Variants in ADCY8 observed in about 807,000 individuals in gnomAD.
ADCY8 encodes the protein adenylate cyclase 8, also known as adenylate cyclase type 8.
ADCY8 carries 51 observed loss-of-function variants against 119.7 expected under a neutral mutation model. That is an observed-to-expected ratio of 0.43 (90% CI 0.34 to 0.54). The LOEUF (loss-of-function observed/expected upper bound fraction) is 0.54, where lower values mean the gene tolerates loss of function less well. Ranked by LOEUF, ADCY8 falls within the 20% of genes least tolerant of loss-of-function variation. The pLI, the probability that ADCY8 is intolerant of heterozygous loss-of-function variation, is 0.03. For missense variants in ADCY8, 1,383 were observed against 1,598.8 expected (o/e 0.87, Z 2.30); for synonymous variants, 665 against 651.0 (o/e 1.02, Z -0.33).
intron 8 of ADCY8, among the ~76,000 whole-genome samples, chr8:130,872,163 C>G (rs577581650): frequency 6.6e-6 from 1 of 151,730 alleles, no homozygotes; most frequent in Admixed American, 6.6e-5. Flanking sequence ...TTAGTTGATT[C>G]AAAAAAAGGT....
intron 1 of ADCY8, among the ~76,000 whole-genome samples, chr8:131,005,297 T>C (rs1823079824): frequency 6.6e-6 from 1 of 152,180 alleles, no homozygotes; most frequent in Non-Finnish European, 1.5e-5. Context: ...TGATACACAG[T>C]AAATATCCCA....
At chr8:131,027,927 G>A (rs78667490) in intron 1 of ADCY8, among the ~76,000 whole-genome samples, 2,103 of 152,308 alleles carry the variant, frequency 0.014, 33 homozygotes, top group African/African-American at 0.029. Flanking sequence ...ACTACACTAT[G>A]CTGTAGAGAC....
chr8:130,897,429 G>A (rs1470318972), intron 7 of ADCY8, among the ~76,000 whole-genome samples: 2 of 151,984 alleles, frequency 1.3e-5, no homozygotes, highest in African/African-American at 4.8e-5. Flanking sequence ...GCCAACTCAA[G>A]TGGGACTAAA....
At chr8:130,842,871 C>CAAA (rs35357039) in intron 11 of ADCY8, among the ~76,000 whole-genome samples, 14,822 of 86,806 alleles carry the variant, frequency 0.17, 1,146 homozygotes, top group Non-Finnish European at 0.22. Context: ...CACTCTGTCT[C>CAAA]AAAAAAAAAA....
chr8:130,999,164 C>A (rs968724114), intron 1 of ADCY8, among the ~76,000 whole-genome samples: 2 of 152,196 alleles, frequency 1.3e-5, no homozygotes, highest in Non-Finnish European at 2.9e-5. Context: ...GTGCTTCATA[C>A]ACTTGGTGAA....
In ADCY8 at chr8:130,780,872, T is replaced by A. The variant is rs1254189191; in HGVS notation, c.3274A>T (p.Ser1092Cys). 6.8e-6 allele frequency: 11 copies of A among 1,613,132 alleles called. No homozygotes were observed. Among genetic ancestry groups the A allele is most frequent in the Non-Finnish European group, 9.3e-6 (11 of 1,179,312 alleles). Reference protein sequence around the residue: ...FNNFELRIGISHGSVVAGVIG... With the variant: ...FNNFELRIGICHGSVVAGVIG... Reference sequence around the variant, plus strand: ...ACGCCAGCTACCACTGAGCCGTGGCTGATGCCTGGGGGGTGAAGCAAAGGA... The same window carrying A: ...ACGCCAGCTACCACTGAGCCGTGGCAGATGCCTGGGGGGTGAAGCAAAGGA... The change falls in exon 18 of 18, where the codon AGC becomes TGC. Residue 1092 changes from serine to cysteine, a missense_variant. By Grantham distance (112) the Ser-to-Cys change is moderately radical (BLOSUM62 -1). This residue lies in a region of ADCY8 where 928 missense variants were observed against 1,163.5 expected (regional missense o/e 0.80). Transcript: ENST00000286355.
At chr8:131,004,998 C>T (rs952650397) in intron 1 of ADCY8, among the ~76,000 whole-genome samples, 1 of 152,122 alleles carries the variant, frequency 6.6e-6, no homozygotes, top group African/African-American at 2.4e-5. Flanking sequence ...TTACTGGTGA[C>T]CTATTATATA....
At chr8:130,949,990 C>A (rs145903968) in intron 3 of ADCY8, among the ~76,000 whole-genome samples, 5 of 152,276 alleles carry the variant, frequency 3.3e-5, no homozygotes, top group African/African-American at 1.2e-4. Context: ...TCCTGCTATG[C>A]CCGCTGAAGG....
intron 1 of ADCY8, among the ~76,000 whole-genome samples, chr8:131,008,211 C>T (rs1055087724): frequency 2.6e-5 from 4 of 152,146 alleles, no homozygotes; most frequent in African/African-American, 4.8e-5. Flanking sequence ...CTTCAGCTCA[C>T]CCCTCCAAAC....
intron 11 of ADCY8, among the ~76,000 whole-genome samples, chr8:130,844,270 G>T (rs902741716): frequency 6.6e-6 from 1 of 152,104 alleles, no homozygotes; most frequent in Non-Finnish European, 1.5e-5. Context: ...TCACAAACCT[G>T]TGCCTTTCTT....
chr8:130,891,905 G>C (rs1819201112), intron 7 of ADCY8, among the ~76,000 whole-genome samples: 1 of 152,106 alleles, frequency 6.6e-6, no homozygotes, highest in Non-Finnish European at 1.5e-5. Flanking sequence ...TCTATACTAA[G>C]AGAAAATGAA....
intron 15 of ADCY8, among the ~76,000 whole-genome samples, chr8:130,799,068 C>T (rs544630190): frequency 1.3e-5 from 2 of 152,070 alleles, no homozygotes; most frequent in African/African-American, 2.4e-5. Context: ...ATCACTTATA[C>T]GTGGAATCTA....
intron 13 of ADCY8, among the ~76,000 whole-genome samples, chr8:130,819,415 G>A (rs1816441307): frequency 6.6e-6 from 1 of 152,206 alleles, no homozygotes; most frequent in Non-Finnish European, 1.5e-5. Context: ...GACAAATGGA[G>A]CACAGGATAA....
chr8:130,970,946 T>C (rs1271466003), intron 2 of ADCY8, among the ~76,000 whole-genome samples: 1 of 152,110 alleles, frequency 6.6e-6, no homozygotes, highest in African/African-American at 2.4e-5. Context: ...GTGTGACAGA[T>C]TGGCTATGAG....
intron 9 of ADCY8, among the ~76,000 whole-genome samples, chr8:130,850,648 T>C (rs929385018): frequency 6.6e-6 from 1 of 152,204 alleles, no homozygotes; most frequent in Admixed American, 6.5e-5. Context: ...GGTACCTTGA[T>C]AGAAGTGGAG....
At chr8:130,948,506 C>T (rs547538619) in intron 3 of ADCY8, among the ~76,000 whole-genome samples, 1 of 152,284 alleles carries the variant, frequency 6.6e-6, no homozygotes, top group East Asian at 1.9e-4. Flanking sequence ...GTGGCTACCC[C>T]AGCCCACGTG....
chr8:130,852,989 G>A (rs1412810879), intron 9 of ADCY8, among the ~76,000 whole-genome samples: 1 of 152,166 alleles, frequency 6.6e-6, no homozygotes, highest in Non-Finnish European at 1.5e-5. Flanking sequence ...CCCCTCAGCA[G>A]CCTTCACAGG....
chr8:130,915,202 A>C (rs368760895), intron 5 of ADCY8, among the ~76,000 whole-genome samples: 3 of 152,210 alleles, frequency 2.0e-5, no homozygotes, highest in African/African-American at 4.8e-5. Context: ...TAACAAACCA[A>C]AGATTGACAA....
chr8:130,878,182 A>C (rs1818636882), intron 8 of ADCY8, among the ~76,000 whole-genome samples: 1 of 152,206 alleles, frequency 6.6e-6, no homozygotes, highest in East Asian at 1.9e-4. Flanking sequence ...TTCAAGTCAG[A>C]ATCCAGTCTA....
Sources: allele counts gnomAD v4.1 joint callset (sites outside exome capture counted in the v4.1 genomes callset), GRCh38; gene constraint gnomAD v4.1.1; regional missense constraint gnomAD v4.1.1; transcripts MANE v1.5; gene names NCBI Gene and HGNC (gene_info 2026-07-23, HGNC 2026-07-21).